NKTR: variants seen among roughly 807,000 people sequenced by gnomAD.
NKTR encodes the protein NK-tumor recognition protein.
In NKTR, 67 loss-of-function variants were observed where a neutral mutation model predicts 156.3. That is an observed-to-expected ratio of 0.43 (90% CI 0.35 to 0.53). The LOEUF is 0.53. NKTR is among the 20% of genes least tolerant of loss of function. The pLI is 0.01. For synonymous variants in NKTR, 640 were observed against 596.6 expected (o/e 1.07, Z -1.06); for missense variants, 1,604 against 1,730.9 (o/e 0.93, Z 1.30).
chr3:42,634,854 C>T, intron 11 of NKTR, 154 bp downstream of exon 11: 2 of 558,408 alleles, frequency 3.6e-6, no homozygotes, highest in Non-Finnish European at 6.4e-6. Context: ...GCTGTTAGAT[C>T]AAAGTATACT....
intron 15 of NKTR, chr3:42,643,631 C>T (rs547409390): frequency 3.2e-6 from 2 of 632,768 alleles, no homozygotes; most frequent in African/African-American, 3.7e-5. Context: ...AATATAATTG[C>T]CTACAGAGAT....
chr3:42,621,069 T>C (rs1338669049), intron 5 of NKTR: 2 of 985,392 alleles, frequency 2.0e-6, no homozygotes, highest in African/African-American at 3.5e-5. Flanking sequence ...GGCAAGCTAA[T>C]TGGAAATTTG....
intron 10 of NKTR, 61 bp downstream of exon 10, chr3:42,633,796 A>G (rs1201476960): frequency 4.4e-6 from 7 of 1,577,020 alleles, no homozygotes; most frequent in Non-Finnish European, 6.1e-6. Flanking sequence ...CCGTCAGCTC[A>G]TTGCATTCCA....
rs754347651 is a variant in NKTR, at chr3:42,639,045, G to A, written c.3341G>A (p.Ser1114Asn). The A allele has an allele frequency of 2.5e-6, 4 of 1,614,086 alleles. No individual in the cohort carries two copies. Among genetic ancestry groups the A allele is most frequent in the Non-Finnish European group, 2.5e-6 (3 of 1,179,998 alleles). The change falls in exon 13 of 17, where the codon AGT (serine) becomes AAT (asparagine). Residue 1114 changes from serine (S) to asparagine (N), a missense_variant. Coordinates refer to ENST00000232978, the MANE Select transcript of NKTR (RefSeq NM_005385.4). ...CLQNIQHVEE[S>N]VPNGVEDVLQ... ...CAAAACATTCAGCACGTTGAAGAAA[G>A]TGTTCCCAATGGAGTGGAAGATGTG... is the stretch of plus-strand genomic sequence containing the variant.
intron 3 of NKTR, 64 bp downstream of exon 3, chr3:42,617,708 A>G: frequency 1.2e-6 from 1 of 830,190 alleles, no homozygotes; most frequent in Non-Finnish European, 2.0e-6. Context: ...TGAACAGAAT[A>G]GATATTTTCC....
chr3:42,642,562 C>G lies in NKTR; in HGVS notation c.4108C>G (p.Arg1370Gly). The change falls in exon 14 of 17, where the codon CGG becomes GGG. Residue 1370 changes from arginine to glycine, a missense_variant. Transcript: ENST00000232978. ...GTACAGCAGAGGCCGAACCAGAAGC[C>G]GGAGCAGTTCCTACCGGAGTTACAA... ...GWYSRGRTRS[R>G]SSSYRSYKSH... 1 of 1,614,100 alleles carries G rather than the reference C, an allele frequency of 6.2e-7. No individual in the cohort carries two copies. The highest frequency in any genetic ancestry group is 8.5e-7 in the Non-Finnish European group (1 of 1,179,962).
intron 6 of NKTR, among the ~76,000 whole-genome samples, chr3:42,622,148 A>T (rs1209087421): frequency 1.3e-5 from 2 of 152,080 alleles, no homozygotes; most frequent in Non-Finnish European, 2.9e-5. Flanking sequence ...AGAATACTAA[A>T]TTTGCTTTTG....
chr3:42,642,657 T>G, intron 14 of NKTR, 61 bp downstream of exon 14: 1 of 1,132,994 alleles, frequency 8.8e-7, no homozygotes, highest in East Asian at 2.3e-5. Flanking sequence ...TAAGGCTACA[T>G]AGGCAGAGGG....
Position 42,635,251 on chromosome 3 carries a change from T to C in NKTR, c.1048T>C (p.Cys350Arg). 1 of 1,613,654 alleles carries C rather than the reference T, an allele frequency of 6.2e-7. No individual in the cohort carries two copies. Among genetic ancestry groups the C allele is most frequent in the East Asian group, 2.2e-5 (1 of 44,844 alleles). Residue 350 changes from cysteine to arginine, a missense_variant, in exon 12 of 17, where the codon TGT becomes CGT. Transcript: ENST00000232978. ...TCACACACCTCCAAGATCAAGATCCTGTTCTGAGTCAGATGATGATGACAG... is the reference window on the plus strand; with the variant it reads ...TCACACACCTCCAAGATCAAGATCCCGTTCTGAGTCAGATGATGATGACAG... ...RYHTPPRSRS[C>R]SESDDDDSSE...
In NKTR at chr3:42,639,774, CTT is replaced by C. The variant is rs756872920; in HGVS notation, c.4046+25_4046+26del. ...CGGTGAGCAATATTCTCTTTCCTTT[CTT>C]CTCCCAAGGAGAGTCTGTTATTGTT... On this transcript the variant is annotated intron_variant, in intron 13 of 16. Transcript: ENST00000232978. The C allele has an allele frequency of 1.0e-5, 15 of 1,500,160 alleles. No homozygotes were observed. In the Admixed American group the frequency reaches 2.8e-4, roughly 28 times the overall value. The allele number at this position is 1,500,160 out of a possible 1,614,324, so 92.9% of individuals were successfully genotyped here.
At position 42,642,563 on chromosome 3, in the gene NKTR, G is replaced by A. The variant is rs759901993; in HGVS notation, c.4109G>A (p.Arg1370Gln). 5.8e-5 allele frequency: 94 copies of A among 1,614,008 alleles called. No individual in the cohort carries two copies. The Admixed American group carries it at 5.8e-4, about 10-fold the overall frequency. ...TACAGCAGAGGCCGAACCAGAAGCC[G>A]GAGCAGTTCCTACCGGAGTTACAAA... ...GWYSRGRTRS[R>Q]SSSYRSYKSH... The change falls in exon 14 of 17, where the codon CGG becomes CAG. Residue 1370 changes from arginine to glutamine, a missense_variant. Around this residue, in one of 6 missense-constraint regions of NKTR, gnomAD observed 193 missense variants for 220.2 expected, o/e 0.88. Transcript: ENST00000232978.
chr3:42,613,982 C>T (rs916650600), intron 2 of NKTR, among the ~76,000 whole-genome samples: 4 of 152,074 alleles, frequency 2.6e-5, no homozygotes, highest in South Asian at 4.1e-4. Context: ...ATTCTGTGGA[C>T]GAAAACTATG....
intron 9 of NKTR, 108 bp from the exon 10 acceptor site, chr3:42,633,472 T>G: frequency 1.4e-6 from 2 of 1,473,748 alleles, no homozygotes; most frequent in Non-Finnish European, 1.8e-6. Context: ...TGAGTGAGAC[T>G]TGTAAGCTAT....
intron 13 of NKTR, among the ~76,000 whole-genome samples, chr3:42,642,134 G>A (rs1709941006): frequency 6.6e-6 from 1 of 152,068 alleles, no homozygotes; most frequent in Non-Finnish European, 1.5e-5. Flanking sequence ...GCTGAAACAT[G>A]TAGCTGTAGT....
At chr3:42,609,138 A>AG (rs1266128354) in intron 2 of NKTR, among the ~76,000 whole-genome samples, 9 of 146,996 alleles carry the variant, frequency 6.1e-5, no homozygotes, top group African/African-American at 2.4e-4. Flanking sequence ...CAAAAAAAAA[A>AG]AAAGAAGAAA....
Position 42,617,636 on chromosome 3 carries a change from T to G in NKTR, c.125T>G (p.Leu42Trp). The change falls in exon 3 of 17, where the codon TTG (leucine) becomes TGG (tryptophan). Residue 42 changes from leucine to tryptophan, a missense_variant. By Grantham distance (61) the Leu-to-Trp change is moderately conservative. Coordinates refer to ENST00000232978, the MANE Select transcript of NKTR (RefSeq NM_005385.4). ...CPKTCKNFLC[L>W]CSGEKGLGKT... Reference sequence around the variant, plus strand: ...AAAACATGCAAAAACTTCCTTTGCTTGTGCTCAGGTAAGTGAATTATTATT... The same window carrying G: ...AAAACATGCAAAAACTTCCTTTGCTGGTGCTCAGGTAAGTGAATTATTATT... 1 of 1,569,828 alleles carries G rather than the reference T, an allele frequency of 6.4e-7. No homozygotes were observed. Among genetic ancestry groups the G allele is most frequent in the Non-Finnish European group, 8.8e-7 (1 of 1,139,930 alleles).
At position 42,632,676 on chromosome 3, in the gene NKTR, A is replaced by G. The variant is rs910849719; in HGVS notation, c.626A>G (p.Glu209Gly). Residue 209 changes from glutamate (E) to glycine (G), a missense_variant, in exon 9 of 17, where the codon GAA (glutamate) becomes GGA (glycine). Transcript: ENST00000232978. ...TCTTCCAATTCCTCCTCTTCTTCAG[A>G]ATCATCTTCAGAAAGTGAACTTGAA... ...DSSSNSSSSS[E>G]SSSESELEHE... is the part of the protein sequence containing the mutation. 1 of 1,613,932 alleles carries G rather than the reference A, an allele frequency of 6.2e-7. No homozygotes were observed. The highest frequency in any genetic ancestry group is 8.5e-7 in the Non-Finnish European group (1 of 1,179,942).
Position 42,644,020 on chromosome 3 carries a change from T to C in NKTR, c.4301+17T>C, listed in dbSNP as rs1383702141. ...GCGGTCCAGGTGGGTCTCTCTCCTT[T>C]ATCGTCCTTTATCGCACTGTAGGCC... is the stretch of plus-strand genomic sequence containing the variant. On this transcript the variant is annotated intron_variant, in intron 16 of 16. Coordinates refer to ENST00000232978, the MANE Select transcript of NKTR (RefSeq NM_005385.4). The C allele has an allele frequency of 6.4e-7, 1 of 1,568,244 alleles. No individual in the cohort carries two copies. Among genetic ancestry groups the C allele is most frequent in the African/African-American group, 1.4e-5 (1 of 73,974 alleles).
chr3:42,629,567 G>A lies in NKTR; in HGVS notation c.375-979G>A, dbSNP rs970918561. On this transcript the variant is annotated intron_variant, in intron 6 of 16. Transcript: ENST00000232978. ...ATGGCAGCTTCTAGTACAGTTGACT[G>A]CTTTAACATGGCCTGACATCTAGTG... is the stretch of plus-strand genomic sequence containing the variant. 3 of 983,912 alleles carry A rather than the reference G, an allele frequency of 3.0e-6. No homozygotes were observed. In the East Asian group the frequency reaches 3.4e-4, roughly 112 times the overall value. The allele number at this position is 983,912 out of a possible 1,614,324, so 60.9% of individuals were successfully genotyped here.
Sources: gnomAD v4.1 joint callset for allele counts (sites outside exome capture counted in the v4.1 genomes callset) on GRCh38, gnomAD v4.1.1 for gene constraint, gnomAD v4.1.1 regional missense constraint, MANE v1.5 for transcripts, NCBI Gene and HGNC (gene_info 2026-07-23, HGNC 2026-07-21) for gene names.